Variants in NME7 observed in about 807,000 individuals in gnomAD.
NME7 encodes NME/NM23 family member 7, also known as nucleoside diphosphate kinase 7.
In NME7, 41 loss-of-function variants were observed where a neutral mutation model predicts 49.1. The observed-to-expected ratio is 0.83, with a 90% confidence interval of 0.65 to 1.08. The LOEUF is 1.08. Ranked by LOEUF, NME7 falls within the 50% of genes least tolerant of loss-of-function variation. The pLI is 0.00. For synonymous variants in NME7, 139 were observed against 150.6 expected (o/e 0.92, Z 0.56); for missense variants, 423 against 463.4 (o/e 0.91, Z 0.80).
At chr1:169,319,494 G>A (rs1651775354) in intron 3 of NME7, among the ~76,000 whole-genome samples, 1 of 152,132 alleles carries the variant, frequency 6.6e-6, no homozygotes, top group Admixed American at 6.5e-5. Context: ...TACCTCCAGG[G>A]AGAAGTATTC....
chr1:169,289,687 A>G (rs1024139847), intron 6 of NME7, among the ~76,000 whole-genome samples: 1 of 152,118 alleles, frequency 6.6e-6, no homozygotes, highest in Admixed American at 6.6e-5. Flanking sequence ...TTCTCGCTCA[A>G]TTTTTAAAAA....
chr1:169,284,514 T>C (rs897775651), intron 7 of NME7: 3 of 152,160 alleles, frequency 2.0e-5, no homozygotes, highest in South Asian at 2.1e-4. Flanking sequence ...TTGCAAAAAT[T>C]TTCTCTCATT....
At chr1:169,167,020 C>T (rs994291326) in intron 11 of NME7, among the ~76,000 whole-genome samples, 1 of 152,044 alleles carries the variant, frequency 6.6e-6, no homozygotes, top group Non-Finnish European at 1.5e-5. Flanking sequence ...TAGGGACTAA[C>T]CAAGAACACT....
At chr1:169,296,275 C>T (rs912118150) in intron 6 of NME7, among the ~76,000 whole-genome samples, 1 of 152,186 alleles carries the variant, frequency 6.6e-6, no homozygotes, top group South Asian at 2.1e-4. Context: ...ACAAAGTTCA[C>T]CAATGATATC....
intron 7 of NME7, among the ~76,000 whole-genome samples, chr1:169,271,877 G>C (rs1649503640): frequency 7.5e-6 from 1 of 133,054 alleles, no homozygotes; most frequent in Admixed American, 7.4e-5. Context: ...ACCAGCAAAT[G>C]AAAGGGGGCC....
intron 10 of NME7, among the ~76,000 whole-genome samples, chr1:169,209,190 C>T (rs1250352187): frequency 1.3e-5 from 2 of 152,038 alleles, no homozygotes; most frequent in South Asian, 2.1e-4. Context: ...AGACCTTTTT[C>T]ATCAAAGACT....
At position 169,323,211 on chromosome 1, in the gene NME7, T is replaced by A; in HGVS notation, c.184A>T (p.Ile62Leu). The A allele has an allele frequency of 6.2e-7, 1 of 1,608,998 alleles. No homozygotes were observed. The highest frequency in any genetic ancestry group is 8.5e-7 in the Non-Finnish European group (1 of 1,177,678). ...YDNLHLEDLFIGNKVNVFSRQ... is the reference protein window; with the variant it reads ...YDNLHLEDLFLGNKVNVFSRQ... ...GAAAAGACATTCACTTTGTTGCCTA[T>A]AAATAAATCTTCCAAGTGCAGGTTA... Residue 62 changes from isoleucine to leucine, a missense_variant, in exon 3 of 12, where the codon ATA (isoleucine) becomes TTA (leucine). Ile to Leu is a conservative substitution (Grantham distance 5). Coordinates refer to ENST00000367811, the MANE Select transcript of NME7 (RefSeq NM_013330.5).
rs117351494 is a variant in NME7 at position 169,215,714 on chromosome 1, G to A, written c.990+15004C>T. ...TAAAGGTAGGCTAAGGCAGATGAAT[G>A]GATAAGTGATGAATGGTTAAAGAAA... On this transcript the variant is annotated intron_variant, in intron 10 of 11. Transcript: ENST00000367811. Among the ~76,000 whole-genome samples the A allele has an allele frequency of 6.6e-5, 10 of 152,312 alleles. No homozygotes were observed. The East Asian group carries it at 1.9e-3, about 29-fold the overall frequency.
Position 169,235,165 on chromosome 1 carries a change from T to C in NME7, c.854A>G (p.Tyr285Cys), listed in dbSNP as rs779802606. The change falls in exon 9 of 12, where the codon TAT becomes TGT. Residue 285 changes from tyrosine to cysteine, a missense_variant. By Grantham distance (194) the Tyr-to-Cys change is radical. Transcript: ENST00000367811. ...GGTCACTACTCCTTTATAAACTTCA[T>C]AGAATTCCTCAACATTAACCCGATC... is the stretch of plus-strand genomic sequence containing the variant. The part of the protein sequence containing the change: ...NMDRVNVEEF[Y>C]EVYKGVVTEY... The C allele has an allele frequency of 1.7e-5, 27 of 1,551,324 alleles. No homozygotes were observed. In the Middle Eastern group the frequency reaches 8.4e-4, roughly 48 times the overall value.
intron 1 of NME7, among the ~76,000 whole-genome samples, chr1:169,366,683 T>C (rs888913012): frequency 6.6e-6 from 1 of 152,118 alleles, no homozygotes; most frequent in Non-Finnish European, 1.5e-5. Flanking sequence ...TATAGAGCAA[T>C]GTGTAGGTTG....
At chr1:169,367,210 C>T (rs1653902566) in intron 1 of NME7, among the ~76,000 whole-genome samples, 1 of 151,704 alleles carries the variant, frequency 6.6e-6, no homozygotes, top group African/African-American at 2.4e-5. Context: ...AGAAGGTAAC[C>T]AACTGGATAG....
At chr1:169,245,033 G>A (rs1648251605) in intron 7 of NME7, among the ~76,000 whole-genome samples, 1 of 152,172 alleles carries the variant, frequency 6.6e-6, no homozygotes, top group Admixed American at 6.5e-5. Context: ...GGAGGCTGAG[G>A]CACAAGAATC....
At chr1:169,179,121 TA>T (rs1163411263) in intron 10 of NME7, among the ~76,000 whole-genome samples, 1 of 152,154 alleles carries the variant, frequency 6.6e-6, no homozygotes, top group African/African-American at 2.4e-5. Flanking sequence ...GCACCTGGCC[TA>T]AAACCTCTTG....
At chr1:169,329,268 C>T (rs1652174430) in intron 1 of NME7, among the ~76,000 whole-genome samples, 1 of 151,848 alleles carries the variant, frequency 6.6e-6, no homozygotes, top group African/African-American at 2.4e-5. Context: ...CAAGCTTCAA[C>T]TTCCTTGTTC....
chr1:169,246,243 T>G (rs977877001), intron 7 of NME7, among the ~76,000 whole-genome samples: 1 of 151,990 alleles, frequency 6.6e-6, no homozygotes, highest in East Asian at 1.9e-4. Context: ...GAGGCCAAGG[T>G]TGCAGTGAGC....
chr1:169,218,659 A>ATTTT (rs34342694), intron 10 of NME7, among the ~76,000 whole-genome samples: 24 of 118,140 alleles, frequency 2.0e-4, no homozygotes, highest in African/African-American at 5.6e-4. Flanking sequence ...CCAATTTTGA[A>ATTTT]TTTTTTTTTT....
chr1:169,299,480 A>G (rs1650847087), intron 5 of NME7, among the ~76,000 whole-genome samples: 2 of 152,170 alleles, frequency 1.3e-5, no homozygotes, highest in African/African-American at 4.8e-5. Flanking sequence ...TGACAAGTTT[A>G]ACTATGAAAT....
intron 7 of NME7, among the ~76,000 whole-genome samples, chr1:169,243,887 G>A (rs1331431535): frequency 2.6e-5 from 4 of 152,036 alleles, no homozygotes; most frequent in Non-Finnish European, 4.4e-5. Flanking sequence ...CTATATTCAA[G>A]GATTAAACAA....
chr1:169,170,817 T>C (rs1659564668), intron 10 of NME7, among the ~76,000 whole-genome samples: 1 of 151,888 alleles, frequency 6.6e-6, no homozygotes. Flanking sequence ...ATACCAGATA[T>C]TTAGGAGGCT....
Sources: gnomAD v4.1 joint callset for allele counts (sites outside exome capture counted in the v4.1 genomes callset) on GRCh38, gnomAD v4.1.1 for gene constraint, MANE v1.5 for transcripts, NCBI Gene and HGNC (gene_info 2026-07-23, HGNC 2026-07-21) for gene names.